Variants in TRPM2 observed in about 807,000 individuals in gnomAD.
TRPM2 encodes the protein transient receptor potential cation channel subfamily M member 2.
TRPM2 carries 161 observed loss-of-function variants against 174.0 expected under a neutral mutation model. That is an observed-to-expected ratio of 0.93 (90% confidence interval 0.81 to 1.05). The LOEUF (loss-of-function observed/expected upper bound fraction) is 1.05. TRPM2 is among the 50% of genes least tolerant of loss of function. The pLI is 0.00. For missense variants in TRPM2, 2,057 were observed against 2,038.0 expected, an observed-to-expected ratio of 1.01 and a Z score of -0.18; for synonymous variants, 954 against 861.3, an observed-to-expected ratio of 1.11 and a Z score of -1.88.
At position 44,401,755 on chromosome 21, in the gene TRPM2, T is replaced by A. The variant is rs749712556; in HGVS notation, c.2396T>A (p.Phe799Tyr). Residue 799 changes from phenylalanine to tyrosine, a missense_variant, in exon 16 of 32, where the codon TTC (phenylalanine) becomes TAC (tyrosine). By Grantham distance (22) the Phe-to-Tyr change is conservative. Coordinates refer to ENST00000397928, the MANE Select transcript of TRPM2 (RefSeq NM_003307.4). Reference sequence around the variant, plus strand: ...TTCTTCACCGCACCCGTGGTGGTCTTCCACCTGAACATCCTCTCCTACTTC... The same window carrying A: ...TTCTTCACCGCACCCGTGGTGGTCTACCACCTGAACATCCTCTCCTACTTC... Reference protein sequence around the residue: ...RAFFTAPVVVFHLNILSYFAF... With the variant: ...RAFFTAPVVVYHLNILSYFAF... 43 of 1,613,654 alleles carry A rather than the reference T, an allele frequency of 2.7e-5. No homozygotes were observed. Among genetic ancestry groups the A allele is most frequent in the Non-Finnish European group, 3.6e-5 (42 of 1,180,000 alleles).
intron 19 of TRPM2, among the ~76,000 whole-genome samples, chr21:44,407,732 C>T (rs926982395): frequency 6.6e-6 from 1 of 151,600 alleles, no homozygotes; most frequent in African/African-American, 2.4e-5. Flanking sequence ...CTTGATGTCC[C>T]GTTTTCAAGG....
chr21:44,382,601 C>T, intron 8 of TRPM2, 117 bp from the exon 9 acceptor site: 1 of 910,928 alleles, frequency 1.1e-6, no homozygotes, highest in Non-Finnish European at 1.7e-6. Context: ...GTCCTGGCCA[C>T]AAGCGCAGGC....
At chr21:44,406,285 A>G (rs1227954872) in intron 18 of TRPM2, among the ~76,000 whole-genome samples, 3 of 151,128 alleles carry the variant, frequency 2.0e-5, no homozygotes, top group Non-Finnish European at 2.9e-5. Flanking sequence ...ATTCAGCTCT[A>G]GGAGCTTTCC....
chr21:44,424,907 G>T lies in TRPM2; in HGVS notation c.3605G>T (p.Gly1202Val). 1 of 1,607,972 alleles carries T rather than the reference G, an allele frequency of 6.2e-7. No homozygotes were observed. Among genetic ancestry groups the T allele is most frequent in the East Asian group, 2.2e-5 (1 of 44,726 alleles). ...HWIVRTLRAS[G>V]FSSEADVPTL... is the part of the protein sequence containing the mutation. ...ATCGTGAGGACGCTGCGGGCCAGCGGCTTCAGCTCGGAGGCGGACGTCCCC... is the reference window on the plus strand; with the variant it reads ...ATCGTGAGGACGCTGCGGGCCAGCGTCTTCAGCTCGGAGGCGGACGTCCCC... Residue 1202 changes from glycine (G) to valine (V), a missense_variant, in exon 24 of 32, where the codon GGC (glycine) becomes GTC (valine). Transcript: ENST00000397928.
chr21:44,417,543 G>A (rs1465792272), intron 20 of TRPM2, among the ~76,000 whole-genome samples: 1 of 111,160 alleles, frequency 9.0e-6, no homozygotes, highest in Non-Finnish European at 1.8e-5. Context: ...TGGGCACGTG[G>A]GCATGGCTCT....
intron 5 of TRPM2, among the ~76,000 whole-genome samples, chr21:44,371,943 G>A (rs927443004): frequency 6.6e-6 from 1 of 152,152 alleles, no homozygotes; most frequent in Non-Finnish European, 1.5e-5. Context: ...GACCAGCTTG[G>A]CCAATATGGT....
At chr21:44,408,154 A>C (rs552623497) in intron 19 of TRPM2, among the ~76,000 whole-genome samples, 252 of 151,976 alleles carry the variant, frequency 1.7e-3, no homozygotes, top group African/African-American at 5.7e-3. Flanking sequence ...ACCATGTTGG[A>C]CAGGCTGGTC....
In TRPM2 at chr21:44,382,765, A is replaced by T; in HGVS notation, c.1263A>T (p.Glu421Asp). 1.2e-6 allele frequency: 2 copies of T among 1,614,086 alleles called. No homozygotes were observed. Among genetic ancestry groups the T allele is most frequent in the Non-Finnish European group, 1.7e-6 (2 of 1,180,004 alleles). ...GGCAGCTGCTGACTGTCTTCCGGGAAGGCAAGGATGGTCAGCAGGACGTGG... is the reference window on the plus strand; with the variant it reads ...GGCAGCTGCTGACTGTCTTCCGGGATGGCAAGGATGGTCAGCAGGACGTGG... The part of the protein sequence containing the change: ...RRRQLLTVFR[E>D]GKDGQQDVDV... The change falls in exon 9 of 32, where the codon GAA becomes GAT. Residue 421 changes from glutamate (E) to aspartate (D), a missense_variant. By Grantham distance (45) the Glu-to-Asp change is conservative. Transcript: ENST00000397928.
In TRPM2 at chr21:44,376,160, C is replaced by A; in HGVS notation, c.952+147C>A. 1.0e-6 allele frequency: 1 copy of A among 976,016 alleles called. No homozygotes were observed. The highest frequency in any genetic ancestry group is 1.5e-6 in the Non-Finnish European group (1 of 666,190). The allele number at this position is 976,016 out of a possible 1,614,324, so 60.5% of individuals were successfully genotyped here. A position where few individuals can be genotyped will look rare whatever the true frequency, so the allele number is the denominator to read the frequency against. ...GGGCTGGTCAGAGTGTCAGGTACAG[C>A]TGGTCACAGGTCATTCGTGGCACTC... On this transcript the variant is annotated intron_variant, in intron 6 of 31. Transcript: ENST00000397928. This position sits in a 1 kb window ranked among gnomAD's most constrained non-coding sequence, Gnocchi z 4.2.
intron 22 of TRPM2, among the ~76,000 whole-genome samples, chr21:44,419,757 A>AGTGGTGGTG (rs140387137): frequency 8.2e-6 from 1 of 121,626 alleles, no homozygotes; most frequent in Non-Finnish European, 1.7e-5. Context: ...TGATGATGGC[A>AGTGGTGGTG]GTGGTGGTGG....
chr21:44,402,044 TG>T, intron 16 of TRPM2, 147 bp downstream of exon 16: 2 of 910,658 alleles, frequency 2.2e-6, no homozygotes, highest in Non-Finnish European at 3.4e-6. Flanking sequence ...CTCCCCAAAA[TG>T]GGTGGCTGGG....
At chr21:44,374,820 C>T (rs2048647526) in intron 5 of TRPM2, among the ~76,000 whole-genome samples, 3 of 152,178 alleles carry the variant, frequency 2.0e-5, no homozygotes, top group Non-Finnish European at 4.4e-5. Flanking sequence ...TCCTCACAGG[C>T]CACAGACCAT....
chr21:44,440,265 G>A (rs769783634), intron 30 of TRPM2, among the ~76,000 whole-genome samples: 2 of 76,360 alleles, frequency 2.6e-5, no homozygotes, highest in Non-Finnish European at 4.8e-5. Context: ...TGAACCAGGC[G>A]GCGGAGGTTG....
chr21:44,400,758 C>T (rs993276118), intron 15 of TRPM2, among the ~76,000 whole-genome samples: 1 of 152,124 alleles, frequency 6.6e-6, no homozygotes. Flanking sequence ...GCCTCCCTGT[C>T]CTCGCAGCCG....
rs377179828 is a variant in TRPM2, at chr21:44,413,962, G to A, written c.3034G>A (p.Asp1012Asn). The change falls in exon 20 of 32, where the codon GAC becomes AAC. Residue 1012 changes from aspartate to asparagine, a missense_variant. Asp to Asn is a conservative substitution (Grantham distance 23). Transcript: ENST00000397928. Reference sequence around the variant, plus strand: ...CTACAAGCCTAAGTGCCCCGAGAGCGACGCGACGCAGCAGAGGCCGGCCTT... The same window carrying A: ...CTACAAGCCTAAGTGCCCCGAGAGCAACGCGACGCAGCAGAGGCCGGCCTT... ...DPYKPKCPES[D>N]ATQQRPAFPE... 19 of 1,613,846 alleles carry A rather than the reference G, an allele frequency of 1.2e-5. No homozygotes were observed. Among genetic ancestry groups the A allele is most frequent in the Middle Eastern group, 1.6e-4 (1 of 6,084 alleles).
chr21:44,381,907 CA>C (rs751389057), intron 8 of TRPM2, among the ~76,000 whole-genome samples: 3,787 of 66,792 alleles, frequency 0.057, 138 homozygotes, highest in African/African-American at 0.12. Context: ...AAGTCTGTCT[CA>C]AAAAAAAAAA....
In TRPM2 at chr21:44,442,556, G is replaced by C. The variant is rs1263897633; in HGVS notation, c.*739G>C. ...GGGGACGTGGGGGCCTTCTGGTTTG[G>C]TGTCAACAGCTCACAGGAGCGTGAA... is the stretch of plus-strand genomic sequence containing the variant. On this transcript the variant is annotated 3_prime_UTR_variant, in exon 32 of 32. Coordinates refer to ENST00000397928, the MANE Select transcript of TRPM2 (RefSeq NM_003307.4). 1 of 152,334 alleles carries C rather than the reference G, an allele frequency of 6.6e-6. No homozygotes were observed. Among genetic ancestry groups the C allele is most frequent in the Non-Finnish European group, 1.5e-5 (1 of 68,108 alleles). 9.4% of individuals were successfully genotyped at this position (152,334 alleles called of 1,614,324 possible).
chr21:44,351,188 C>G (rs2047921222), upstream of TRPM2, among the ~76,000 whole-genome samples: 1 of 152,248 alleles, frequency 6.6e-6, no homozygotes, highest in South Asian at 2.1e-4. Context: ...AGGATCCTCT[C>G]GAGTCGCCTG....
At chr21:44,437,277 G>GC in intron 29 of TRPM2, 110 bp downstream of exon 29, 21 of 1,049,958 alleles carry the variant, frequency 2.0e-5, no homozygotes, top group South Asian at 7.0e-5. Context: ...GCCCCCTGCA[G>GC]CCCCTGGGCA....
Sources: gnomAD v4.1 joint callset for allele counts (sites outside exome capture counted in the v4.1 genomes callset) on GRCh38, gnomAD v4.1.1 for gene constraint, Gnocchi (gnomAD v3.1) non-coding constraint, MANE v1.5 for transcripts, NCBI Gene and HGNC (gene_info 2026-07-23, HGNC 2026-07-21) for gene names.